Variants in PILRB observed in about 807,000 individuals in gnomAD.
PILRB encodes paired immunoglobulin-like type 2 receptor beta.
PILRB carries 21 observed loss-of-function variants against 20.5 expected under a neutral mutation model. The ratio of observed to expected loss-of-function variants is 1.02; its 90% CI spans 0.72 to 1.47. The LOEUF (loss-of-function observed/expected upper bound fraction) is 1.47. Among genes scored for constraint, PILRB ranks in the 40% most tolerant of loss-of-function variants. The pLI is 0.00. For synonymous variants in PILRB, 133 were observed against 115.1 expected (o/e 1.16, Z -0.99); for missense variants, 253 against 272.1 (o/e 0.93, Z 0.49).
intron 3 of PILRB, among the ~76,000 whole-genome samples, chr7:100,360,749 A>AT (rs1370225865): frequency 6.6e-6 from 1 of 152,106 alleles, no homozygotes; most frequent in Non-Finnish European, 1.5e-5. Flanking sequence ...CCTAGAAAAG[A>AT]TTAAGTAATA....
At chr7:100,366,101 A>G (rs1790676746) in intron 3 of PILRB, among the ~76,000 whole-genome samples, 1 of 151,888 alleles carries the variant, frequency 6.6e-6, no homozygotes, top group Non-Finnish European at 1.5e-5. Flanking sequence ...GTACAGGCAC[A>G]TGCCACCACG....
At chr7:100,361,870 A>C (rs1399958636) in intron 3 of PILRB, among the ~76,000 whole-genome samples, 1 of 152,160 alleles carries the variant, frequency 6.6e-6, no homozygotes, top group Non-Finnish European at 1.5e-5. Flanking sequence ...TCATGGAAGC[A>C]CGTGAGATTA....
At chr7:100,366,511 T>C (rs1018840150) in intron 3 of PILRB, among the ~76,000 whole-genome samples, 11 of 151,676 alleles carry the variant, frequency 7.3e-5, no homozygotes, top group African/African-American at 2.7e-4. Context: ...ACTGCAAGGA[T>C]GCCAGGGGGA....
At chr7:100,365,620 C>T (rs7799023) in intron 3 of PILRB, among the ~76,000 whole-genome samples, 1 of 151,954 alleles carries the variant, frequency 6.6e-6, no homozygotes, top group Non-Finnish European at 1.5e-5. Flanking sequence ...GGAGTTCGAG[C>T]CCAGCCTGGC....
chr7:100,367,695 C>T lies in PILRB; in HGVS notation c.*318C>T, dbSNP rs779616018. 2.8e-6 allele frequency: 1 copy of T among 353,488 alleles called. No individual in the cohort carries two copies. The highest frequency in any genetic ancestry group is 5.1e-6 in the Non-Finnish European group (1 of 194,270). 21.9% of individuals were successfully genotyped at this position (353,488 alleles called of 1,614,324 possible). A position where few individuals can be genotyped will look rare whatever the true frequency, so the allele number is the denominator to read the frequency against. On this transcript the variant is annotated 3_prime_UTR_variant, in exon 4 of 4. Coordinates refer to ENST00000609309, the MANE Select transcript of PILRB (RefSeq NM_178238.4). ...CAGTGCAAAGAGTTCCTTTATCCTC[C>T]CCAAGGATGGAAAAATACAATTTAT...
chr7:100,360,020 T>TCAAA (rs72418187), intron 3 of PILRB, among the ~76,000 whole-genome samples: 48 of 151,956 alleles, frequency 3.2e-4, no homozygotes, highest in African/African-American at 5.6e-4. Flanking sequence ...AGACTCTGTC[T>TCAAA]CAAACAAACA....
At chr7:100,361,170 C>T (rs567986762) in intron 3 of PILRB, among the ~76,000 whole-genome samples, 1 of 152,118 alleles carries the variant, frequency 6.6e-6, no homozygotes, top group Non-Finnish European at 1.5e-5. Flanking sequence ...CTCCTGACCT[C>T]GTGATCCGCC....
At chr7:100,359,668 G>C (rs1261249320) in intron 3 of PILRB, 131 bp downstream of exon 3, 1 of 762,550 alleles carries the variant, frequency 1.3e-6, no homozygotes, top group Non-Finnish European at 2.2e-6. Flanking sequence ...GGCCGACTCT[G>C]GCCTGTGCTG....
intron 3 of PILRB, among the ~76,000 whole-genome samples, 161 bp downstream of exon 3, chr7:100,359,698 G>T (rs1336957967): frequency 6.6e-6 from 1 of 152,174 alleles, no homozygotes; most frequent in Non-Finnish European, 1.5e-5. Flanking sequence ...CATCTCGGGG[G>T]CCTCCTGCAG....
Position 100,367,381 on chromosome 7 carries a change from A to G in PILRB, c.*4A>G, listed in dbSNP as rs372101088. On this transcript the variant is annotated 3_prime_UTR_variant, in exon 4 of 4. Transcript: ENST00000609309. ...GGCGCCAAGCAGTGACTTCTGACCA[A>G]CAGAGTGTGGGGAGAAGGGATGTGT... is the stretch of plus-strand genomic sequence containing the variant. 3 of 780,864 alleles carry G rather than the reference A, an allele frequency of 3.8e-6. No individual in the cohort carries two copies. Among genetic ancestry groups the G allele is most frequent in the Non-Finnish European group, 7.2e-6 (3 of 418,066 alleles). The allele number at this position is 780,864 out of a possible 1,614,324, so 48.4% of individuals were successfully genotyped here. A position where few individuals can be genotyped will look rare whatever the true frequency, so the allele number is the denominator to read the frequency against.
intron 1 of PILRB, 134 bp from the exon 2 acceptor site, chr7:100,358,556 C>T (rs1380681273): frequency 1.5e-6 from 2 of 1,300,472 alleles, no homozygotes; most frequent in Non-Finnish European, 2.1e-6. Flanking sequence ...GTGGGAGACC[C>T]AGGCCAGAGG....
chr7:100,359,248 TC>T, intron 2 of PILRB, 88 bp from the exon 3 acceptor site: 1 of 1,525,128 alleles, frequency 6.6e-7, no homozygotes, highest in Non-Finnish European at 9.1e-7. Context: ...ATCCTGAATG[TC>T]CCCAATCTAG....
In PILRB at chr7:100,359,450, A is replaced by G. The variant is rs368156384; in HGVS notation, c.568A>G (p.Ile190Val). 3 of 1,614,080 alleles carry G rather than the reference A, an allele frequency of 1.9e-6. No homozygotes were observed. The highest frequency in any genetic ancestry group is 1.7e-6 in the Non-Finnish European group (2 of 1,180,032). Residue 190 changes from isoleucine to valine, a missense_variant, in exon 3 of 4, where the codon ATC becomes GTC. Physicochemically the swap from Ile to Val is conservative, Grantham distance 29. Coordinates refer to ENST00000609309, the MANE Select transcript of PILRB (RefSeq NM_178238.4). ...ESWHLSLDTAIRVALAVAVLK... is the reference protein window; with the variant it reads ...ESWHLSLDTAVRVALAVAVLK... ...ATGGCACCTAAGTCTGGACACTGCCATCAGGGTTGCATTGGCTGTCGCTGT... is the reference window on the plus strand; with the variant it reads ...ATGGCACCTAAGTCTGGACACTGCCGTCAGGGTTGCATTGGCTGTCGCTGT...
In PILRB at chr7:100,363,752, C is replaced by T. The variant is rs192332317; in HGVS notation, c.656-3597C>T. Among the ~76,000 whole-genome samples the T allele has an allele frequency of 1.2e-3, 179 of 152,268 alleles. 2 individuals are homozygous for T. Among genetic ancestry groups the T allele is most frequent in the Admixed American group, 4.3e-3 (66 of 15,282 alleles). ...TTTAGAAACGTGAACAGAGAGGACACGCATTCCCTGATTTCAAAATGTATT... is the reference window on the plus strand; with the variant it reads ...TTTAGAAACGTGAACAGAGAGGACATGCATTCCCTGATTTCAAAATGTATT... On this transcript the variant is annotated intron_variant, in intron 3 of 3. Coordinates refer to ENST00000609309, the MANE Select transcript of PILRB (RefSeq NM_178238.4).
intron 3 of PILRB, 102 bp downstream of exon 3, chr7:100,359,639 C>A: frequency 9.7e-7 from 1 of 1,028,096 alleles, no homozygotes; most frequent in Non-Finnish European, 1.5e-6. Context: ...ACCCTGCTGG[C>A]TCCCCTCAAG....
Position 100,358,157 on chromosome 7 carries a change from G to T in PILRB, c.-146G>T. ...CACCCTGGAGGTGTACTGGTTTGGG[G>T]AAGGTCCCCGGCCCCCACAGCCCTC... On this transcript the variant is annotated 5_prime_UTR_variant, in exon 1 of 4. Coordinates refer to ENST00000609309, the MANE Select transcript of PILRB (RefSeq NM_178238.4). The T allele has an allele frequency of 2.4e-6, 2 of 843,908 alleles. No homozygotes were observed. Among genetic ancestry groups the T allele is most frequent in the South Asian group, 2.9e-5 (2 of 68,946 alleles). The allele number at this position is 843,908 out of a possible 1,614,324, so 52.3% of individuals were successfully genotyped here. A position where few individuals can be genotyped will look rare whatever the true frequency, so the allele number is the denominator to read the frequency against.
At chr7:100,360,110 A>T (rs1790485353) in intron 3 of PILRB, among the ~76,000 whole-genome samples, 1 of 151,994 alleles carries the variant, frequency 6.6e-6, no homozygotes, top group African/African-American at 2.4e-5. Context: ...TCAATCATCC[A>T]CGCTCCCCTG....
intron 3 of PILRB, among the ~76,000 whole-genome samples, chr7:100,361,377 C>T (rs1440073033): frequency 1.3e-5 from 2 of 152,156 alleles, no homozygotes; most frequent in Non-Finnish European, 2.9e-5. Context: ...ATCCTCCAAA[C>T]CTGACAGTAA....
chr7:100,365,686 G>C (rs536418709), intron 3 of PILRB, among the ~76,000 whole-genome samples: 1 of 151,988 alleles, frequency 6.6e-6, no homozygotes, highest in East Asian at 1.9e-4. Context: ...TGGTGTGGCG[G>C]GGGCACCTGT....
Sources: allele counts gnomAD v4.1 joint callset (sites outside exome capture counted in the v4.1 genomes callset), GRCh38; gene constraint gnomAD v4.1.1; transcripts MANE v1.5; gene names NCBI Gene and HGNC (gene_info 2026-07-23, HGNC 2026-07-21).